ART3: variants seen among roughly 807,000 people sequenced by gnomAD.
ART3 encodes ecto-ADP-ribosyltransferase 3.
A neutral mutation model predicts 48.5 loss-of-function variants in ART3; 49 were observed. That is an observed-to-expected ratio of 1.01 (90% CI 0.80 to 1.28). The LOEUF is 1.28. ART3 is among the 50% of genes most tolerant of loss of function. ART3 has a pLI of 0.00. For missense variants in ART3, 438 were observed against 454.3 expected, an observed-to-expected ratio of 0.96 and a Z score of 0.33; for synonymous variants, 145 against 157.2, an observed-to-expected ratio of 0.92 and a Z score of 0.58.
chr4:76,029,871 C>T (rs1229646399), intron 1 of ART3, among the ~76,000 whole-genome samples: 1 of 151,920 alleles, frequency 6.6e-6, no homozygotes, highest in African/African-American at 2.4e-5. Flanking sequence ...TCTTAAGTTC[C>T]ATGTATTTAA....
At chr4:76,048,110 C>A (rs1735686852) in intron 1 of ART3, among the ~76,000 whole-genome samples, 1 of 151,682 alleles carries the variant, frequency 6.6e-6, no homozygotes, top group Non-Finnish European at 1.5e-5. Flanking sequence ...GGAGGATTAT[C>A]ACTAATAGGA....
chr4:76,065,543 T>G (rs1719645671), intron 1 of ART3, among the ~76,000 whole-genome samples: 1 of 79,334 alleles, frequency 1.3e-5, no homozygotes, highest in East Asian at 8.5e-4. Context: ...CACTCTGATA[T>G]AACCCTCCAA....
At chr4:76,052,048 C>T (rs941232231) in intron 1 of ART3, among the ~76,000 whole-genome samples, 2 of 151,854 alleles carry the variant, frequency 1.3e-5, no homozygotes, top group Non-Finnish European at 2.9e-5. Flanking sequence ...GCCTGGATTA[C>T]GGTCGCCTGC....
chr4:76,085,041 G>A (rs1723264990), intron 3 of ART3, among the ~76,000 whole-genome samples: 1 of 152,202 alleles, frequency 6.6e-6, no homozygotes, highest in Admixed American at 6.5e-5. Flanking sequence ...TAATTTGGAA[G>A]CAAAAGAACA....
At chr4:76,097,056 C>T (rs925334564) in intron 3 of ART3, among the ~76,000 whole-genome samples, 7 of 152,040 alleles carry the variant, frequency 4.6e-5, no homozygotes, top group Admixed American at 4.6e-4. Context: ...AGGTATTAGC[C>T]CTGGATGGGC....
chr4:76,035,485 T>G, intron 1 of ART3: 1 of 727,556 alleles, frequency 1.4e-6, no homozygotes, highest in Non-Finnish European at 2.2e-6. Flanking sequence ...CAACTGTTAC[T>G]GGGAAAAGTT....
intron 1 of ART3, among the ~76,000 whole-genome samples, chr4:76,031,191 A>G (rs1346672461): frequency 1.3e-5 from 2 of 152,154 alleles, no homozygotes; most frequent in African/African-American, 4.8e-5. Flanking sequence ...CAGGGGGAAT[A>G]TTAGTATTTT....
At chr4:76,038,150 C>T (rs1025587170) in intron 1 of ART3, among the ~76,000 whole-genome samples, 1 of 152,122 alleles carries the variant, frequency 6.6e-6, no homozygotes, top group African/African-American at 2.4e-5. Flanking sequence ...ATCACATAGA[C>T]ATTTTATCAT....
chr4:76,021,736 G>A (rs1344213126), intron 1 of ART3: 2 of 645,534 alleles, frequency 3.1e-6, no homozygotes, highest in Admixed American at 2.7e-5. Flanking sequence ...AATAGCTTAG[G>A]ATGATGAACA....
intron 1 of ART3, among the ~76,000 whole-genome samples, chr4:76,062,795 C>A (rs932164908): frequency 2.6e-5 from 4 of 151,944 alleles, no homozygotes; most frequent in Admixed American, 2.0e-4. Flanking sequence ...CTCCTGACCT[C>A]GTGATCCGCC....
At chr4:76,052,883 C>T (rs1365851010) in intron 1 of ART3, among the ~76,000 whole-genome samples, 2 of 151,938 alleles carry the variant, frequency 1.3e-5, no homozygotes, top group Admixed American at 6.6e-5. Flanking sequence ...CCTGTGCCAC[C>T]GCACCAGGCT....
intron 1 of ART3, among the ~76,000 whole-genome samples, chr4:76,020,662 T>C (rs1464057096): frequency 6.6e-6 from 1 of 152,156 alleles, no homozygotes; most frequent in Non-Finnish European, 1.5e-5. Context: ...CTAAAGTTCC[T>C]ATGGGATATT....
upstream of ART3, among the ~76,000 whole-genome samples, chr4:76,072,526 A>T (rs947406295): frequency 6.6e-6 from 1 of 152,014 alleles, no homozygotes; most frequent in Non-Finnish European, 1.5e-5. Flanking sequence ...TCAAGCCACC[A>T]TAATCTCTGC....
At chr4:76,023,897 C>G (rs1042603465) in intron 1 of ART3, among the ~76,000 whole-genome samples, 3 of 152,056 alleles carry the variant, frequency 2.0e-5, no homozygotes, top group Non-Finnish European at 4.4e-5. Flanking sequence ...ATAGGTAAAC[C>G]TAATTTTTTG....
intron 1 of ART3, chr4:76,034,920 C>T (rs1421111156): frequency 2.2e-6 from 3 of 1,341,148 alleles, no homozygotes; most frequent in East Asian, 4.6e-5. Flanking sequence ...AACCAAGGAC[C>T]CCTTAACAGA....
chr4:76,101,094 A>C, intron 8 of ART3, 75 bp downstream of exon 8: 1 of 1,565,570 alleles, frequency 6.4e-7, no homozygotes, highest in Non-Finnish European at 8.7e-7. Flanking sequence ...ACAGGGAAGA[A>C]TGTCGTGGTA....
intron 1 of ART3, among the ~76,000 whole-genome samples, chr4:76,016,917 G>C (rs962198822): frequency 1.3e-5 from 2 of 152,098 alleles, no homozygotes; most frequent in African/African-American, 4.8e-5. Flanking sequence ...AGGCCCAAGG[G>C]CTCTTCAGTC....
At chr4:76,030,786 C>G (rs1733804857) in intron 1 of ART3, among the ~76,000 whole-genome samples, 1 of 152,150 alleles carries the variant, frequency 6.6e-6, no homozygotes, top group Non-Finnish European at 1.5e-5. Context: ...CAAGGTTCAT[C>G]CATGTTGTAG....
chr4:76,063,323 A>G (rs1045485731), intron 1 of ART3, among the ~76,000 whole-genome samples: 7 of 152,172 alleles, frequency 4.6e-5, no homozygotes, highest in African/African-American at 1.7e-4. Flanking sequence ...ACTTGTTACA[A>G]TTATAAATAA....
Sources: allele counts gnomAD v4.1 joint callset (sites outside exome capture counted in the v4.1 genomes callset), GRCh38; gene constraint gnomAD v4.1.1; transcripts MANE v1.5; gene names NCBI Gene and HGNC (gene_info 2026-07-23, HGNC 2026-07-21).